Variants in DPP6 observed in about 807,000 individuals in gnomAD.
DPP6 encodes A-type potassium channel modulatory protein DPP6.
DPP6 carries 69 observed loss-of-function variants against 122.6 expected under a neutral mutation model. That is an observed-to-expected ratio of 0.56 (90% CI 0.46 to 0.69). The LOEUF is 0.69. Among genes scored for constraint, DPP6 ranks in the 30% least tolerant of loss-of-function variants. The probability of loss-of-function intolerance (pLI) is 0.00; values close to 1 mark genes in which losing one functional copy is unlikely to be tolerated. For missense variants in DPP6, 928 were observed against 1,116.9 expected (o/e 0.83, Z 2.41); for synonymous variants, 418 against 433.1 (o/e 0.97, Z 0.43).
At chr7:154,458,649 G>A (rs73169379) in intron 2 of DPP6, among the ~76,000 whole-genome samples, 18,887 of 152,232 alleles carry the variant, frequency 0.12, 1,465 homozygotes, top group South Asian at 0.26. Flanking sequence ...GCAGCCACAG[G>A]AGGCTAAAAT....
chr7:154,712,415 C>G (rs1841242958), intron 7 of DPP6, among the ~76,000 whole-genome samples: 1 of 152,028 alleles, frequency 6.6e-6, no homozygotes, highest in Non-Finnish European at 1.5e-5. Flanking sequence ...GAAAATTCAC[C>G]AAGAAAGTGT....
chr7:154,036,989 A>T (rs143560627), intron 1 of DPP6, among the ~76,000 whole-genome samples: 213 of 151,912 alleles, frequency 1.4e-3, no homozygotes, highest in African/African-American at 4.9e-3. Flanking sequence ...AAATTAAGAA[A>T]TCCATTTGTG....
intron 1 of DPP6, among the ~76,000 whole-genome samples, chr7:154,384,974 T>G (rs2151151363): frequency 6.6e-6 from 1 of 151,840 alleles, no homozygotes; most frequent in Non-Finnish European, 1.5e-5. Flanking sequence ...TTTTTAAATT[T>G]TATTTATTTA....
chr7:154,461,289 C>A (rs1242266319), intron 2 of DPP6, among the ~76,000 whole-genome samples: 17 of 152,158 alleles, frequency 1.1e-4, no homozygotes, highest in Admixed American at 1.1e-3. Context: ...AGGGTTGCTT[C>A]CAAATCTTGG....
chr7:154,790,401 T>C (rs997301959), intron 10 of DPP6, among the ~76,000 whole-genome samples: 2 of 152,196 alleles, frequency 1.3e-5, no homozygotes, highest in African/African-American at 4.8e-5. Flanking sequence ...CTGCCCAAAA[T>C]GTGAGAATCA....
intron 1 of DPP6, among the ~76,000 whole-genome samples, chr7:154,007,019 G>A (rs1445690900): frequency 2.0e-5 from 3 of 152,238 alleles, no homozygotes; most frequent in Non-Finnish European, 4.4e-5. Context: ...TTTAGAAGGT[G>A]GCTGTGTACA....
At chr7:154,149,693 A>G (rs1796313090) in intron 1 of DPP6, among the ~76,000 whole-genome samples, 1 of 152,174 alleles carries the variant, frequency 6.6e-6, no homozygotes, top group Non-Finnish European at 1.5e-5. Context: ...GAGAACTGGA[A>G]AACAACAATT....
At chr7:154,535,976 A>C (rs2130183255) in intron 3 of DPP6, among the ~76,000 whole-genome samples, 1 of 152,312 alleles carries the variant, frequency 6.6e-6, no homozygotes, top group South Asian at 2.1e-4. Context: ...TTTCCCATAA[A>C]GTTAAGTGCA....
intron 1 of DPP6, among the ~76,000 whole-genome samples, chr7:154,363,634 G>A (rs1811919321): frequency 6.6e-6 from 1 of 152,104 alleles, no homozygotes; most frequent in Admixed American, 6.5e-5. Flanking sequence ...ATGCTCCGTG[G>A]GTTGACAGCT....
At chr7:154,840,270 G>T (rs1055093921) in intron 16 of DPP6, among the ~76,000 whole-genome samples, 1 of 152,150 alleles carries the variant, frequency 6.6e-6, no homozygotes, top group African/African-American at 2.4e-5. Flanking sequence ...CCAGCAGGTG[G>T]CCATGGCGAG....
intron 7 of DPP6, among the ~76,000 whole-genome samples, chr7:154,681,591 G>A: frequency 6.6e-6 from 1 of 152,186 alleles, no homozygotes; most frequent in African/African-American, 2.4e-5. Context: ...GTCGCCTCGG[G>A]TAGGGCGGGG....
the DPP6 span, among the ~76,000 whole-genome samples, chr7:153,836,826 C>A: frequency 6.6e-6 from 1 of 152,168 alleles, no homozygotes; most frequent in Non-Finnish European, 1.5e-5. Flanking sequence ...CAGGGCTCTG[C>A]CCCATGAACA....
chr7:153,939,761 C>T (rs1041621444), intron 1 of DPP6, among the ~76,000 whole-genome samples: 1 of 152,222 alleles, frequency 6.6e-6, no homozygotes, highest in East Asian at 1.9e-4. Flanking sequence ...CACAGACTTT[C>T]ATCATATCAC....
chr7:153,970,336 T>C (rs1239671600), intron 1 of DPP6, among the ~76,000 whole-genome samples: 2 of 152,344 alleles, frequency 1.3e-5, no homozygotes, highest in East Asian at 1.9e-4. Context: ...CCTTGACCAG[T>C]TTATTATTGG....
chr7:154,136,321 G>A (rs1483226868), intron 1 of DPP6, among the ~76,000 whole-genome samples: 1 of 152,142 alleles, frequency 6.6e-6, no homozygotes, highest in African/African-American at 2.4e-5. Context: ...TCCAGGGTCA[G>A]CCTTCCCTGG....
intron 1 of DPP6, among the ~76,000 whole-genome samples, chr7:154,330,255 A>G (rs1174236905): frequency 6.6e-6 from 1 of 152,354 alleles, no homozygotes; most frequent in African/African-American, 2.4e-5. Flanking sequence ...AGTTAGTTCT[A>G]ATTAATTGAA....
chr7:154,098,392 T>A (rs1454431197), intron 1 of DPP6, among the ~76,000 whole-genome samples: 1 of 152,216 alleles, frequency 6.6e-6, no homozygotes. Context: ...TATGTCTTTA[T>A]TAGCTGTGTG....
rs1820894150 is a variant in DPP6 at position 154,457,147 on chromosome 7, C to CATCA, written c.358+10820_358+10821insTCAA. ...AGCATGAAGGGTTGTTGAATTTTGT[C>CATCA]AAAAGTGGGCGAAGGACATGAACAG... On this transcript the variant is annotated intron_variant, in intron 2 of 25. Transcript: ENST00000377770. 5.3e-4 allele frequency among the ~76,000 whole-genome samples: 40 copies of CATCA among 75,970 alleles called. 2 individuals carry two copies. Among genetic ancestry groups the CATCA allele is most frequent in the African/African-American group, 1.7e-3 (40 of 23,304 alleles). The allele number at this position is 75,970 out of a possible 152,430, so 49.8% of individuals were successfully genotyped here.
At chr7:154,166,082 A>G (rs1363931305) in intron 1 of DPP6, among the ~76,000 whole-genome samples, 3 of 152,200 alleles carry the variant, frequency 2.0e-5, no homozygotes, top group Non-Finnish European at 2.9e-5. Flanking sequence ...TCAATAGTTT[A>G]AAGGAGCTGC....
Sources: allele counts gnomAD v4.1 joint callset (sites outside exome capture counted in the v4.1 genomes callset), GRCh38; gene constraint gnomAD v4.1.1; transcripts MANE v1.5; gene names NCBI Gene and HGNC (gene_info 2026-07-23, HGNC 2026-07-21).